Variants in TUBB3 observed in about 807,000 individuals in gnomAD.
TUBB3 encodes tubulin beta 3 class III, also known as tubulin beta-3 chain.
Under a neutral mutation model 37.8 loss-of-function variants are expected in TUBB3, and 17 were observed. That is an observed-to-expected ratio of 0.45 (90% CI 0.31 to 0.67). TUBB3 has a LOEUF of 0.67. TUBB3 is among the 30% of genes least tolerant of loss of function. The pLI is 0.07. For synonymous variants in TUBB3, 332 were observed against 278.9 expected (o/e 1.19, Z -1.90); for missense variants, 262 against 657.9 (o/e 0.40, Z 6.58).
At chr16:89,930,485 G>A (rs888609133) in intron 1 of TUBB3, among the ~76,000 whole-genome samples, 1 of 151,008 alleles carries the variant, frequency 6.6e-6, no homozygotes, top group Admixed American at 6.6e-5. Context: ...GTACAGTGGT[G>A]CAATCTTGGC....
At position 89,932,484 on chromosome 16, in the gene TUBB3, A is replaced by G. The variant is rs1368579538; in HGVS notation, c.58-87A>G. 5 of 1,109,220 alleles carry G rather than the reference A, an allele frequency of 4.5e-6. No homozygotes were observed. In the Admixed American group the frequency reaches 8.7e-5, roughly 19 times the overall value. 68.7% of individuals were successfully genotyped at this position (1,109,220 alleles called of 1,614,324 possible). On this transcript the variant is annotated intron_variant, in intron 1 of 3. Coordinates refer to ENST00000315491, the MANE Select transcript of TUBB3 (RefSeq NM_006086.4). ...CGTGGGTCAAAAGCCCTAATTTTGT[A>G]GTGAGGGCTAAAAGGCTTCACAAGG...
chr16:89,923,332 G>A (rs867740235), upstream of TUBB3: 2 of 1,344,152 alleles, frequency 1.5e-6, no homozygotes, highest in Admixed American at 3.1e-5. Context: ...CGCGGCCGCG[G>A]TCCCCGACCC....
intron 3 of TUBB3, 141 bp downstream of exon 3, chr16:89,933,719 T>C: frequency 1.3e-6 from 1 of 772,454 alleles, no homozygotes; most frequent in Non-Finnish European, 2.3e-6. Context: ...CTCTCCATTT[T>C]ACAGCTGGGC....
intron 1 of TUBB3, among the ~76,000 whole-genome samples, chr16:89,927,414 A>C (rs1212485402): frequency 6.6e-6 from 1 of 152,008 alleles, no homozygotes; most frequent in African/African-American, 2.4e-5. Flanking sequence ...ATATTTTATT[A>C]CTTTATCTCA....
chr16:89,923,359 C>A lies in TUBB3; in HGVS notation c.-43C>A. ...CCCCGACCCTCAGCAGCCAGCCCGGCCCGCCCGCGCCCGTCCGCAGCCGCC... is the reference window on the plus strand; with the variant it reads ...CCCCGACCCTCAGCAGCCAGCCCGGACCGCCCGCGCCCGTCCGCAGCCGCC... On this transcript the variant is annotated 5_prime_UTR_variant, in exon 1 of 4. Transcript: ENST00000315491. 1 of 1,433,612 alleles carries A rather than the reference C, an allele frequency of 7.0e-7. No homozygotes were observed. The highest frequency in any genetic ancestry group is 9.2e-7 in the Non-Finnish European group (1 of 1,086,978). 88.8% of individuals were successfully genotyped at this position (1,433,612 alleles called of 1,614,324 possible). A position where few individuals can be genotyped will look rare whatever the true frequency, so the allele number is the denominator to read the frequency against.
rs141170046 is a variant in TUBB3, at chr16:89,927,758, C to T, written c.57+4300C>T. ...GAAAACAGGTCCTGCGAGGCACGCG[C>T]CTGGCCCACAGCTGTGCTCGTGCTG... On this transcript the variant is annotated intron_variant, in intron 1 of 3. Coordinates refer to ENST00000315491, the MANE Select transcript of TUBB3 (RefSeq NM_006086.4). 1.3e-3 allele frequency among the ~76,000 whole-genome samples: 204 copies of T among 152,370 alleles called. 2 individuals carry two copies. Among genetic ancestry groups the T allele is most frequent in the African/African-American group, 4.7e-3 (194 of 41,588 alleles).
intron 1 of TUBB3, among the ~76,000 whole-genome samples, chr16:89,927,473 C>A (rs1435414661): frequency 6.6e-6 from 1 of 152,036 alleles, no homozygotes. Flanking sequence ...ATATATTCTC[C>A]TGGTTAAAAA....
chr16:89,925,523 G>A (rs967399325), intron 1 of TUBB3, among the ~76,000 whole-genome samples: 1 of 152,142 alleles, frequency 6.6e-6, no homozygotes, highest in Non-Finnish European at 1.5e-5. Flanking sequence ...TTCAGCGTGG[G>A]AGGTCGAGGC....
chr16:89,934,423 G>A (rs1020373205), intron 3 of TUBB3: 5 of 566,008 alleles, frequency 8.8e-6, no homozygotes, highest in Non-Finnish European at 1.7e-5. Context: ...CCAGTCGGAA[G>A]GAAGGTATGC....
intron 2 of TUBB3, 145 bp downstream of exon 2, chr16:89,932,824 G>A (rs965797293): frequency 2.0e-5 from 14 of 696,336 alleles, no homozygotes; most frequent in Admixed American, 1.1e-4. Context: ...GCCAGCAGGC[G>A]TAACTGGATG....
In TUBB3 at chr16:89,923,543, C is replaced by T. The variant is rs1393433950; in HGVS notation, c.57+85C>T. 4.1e-6 allele frequency: 5 copies of T among 1,234,156 alleles called. No homozygotes were observed. The African/African-American group carries it at 8.0e-5, about 20-fold the overall frequency. 76.5% of individuals were successfully genotyped at this position (1,234,156 alleles called of 1,614,324 possible). ...CCCCGCGGGCCGCACCTCCAGCTGCCCCCGCCCCTGCGAACCTGCAACAAA... is the reference window on the plus strand; with the variant it reads ...CCCCGCGGGCCGCACCTCCAGCTGCTCCCGCCCCTGCGAACCTGCAACAAA... On this transcript the variant is annotated intron_variant, in intron 1 of 3. Transcript: ENST00000315491.
At chr16:89,932,717 A>G (rs765315731) in intron 2 of TUBB3, 38 bp downstream of exon 2, 19 of 1,540,448 alleles carry the variant, frequency 1.2e-5, no homozygotes, top group Non-Finnish European at 1.5e-5. Flanking sequence ...CCAGCCCTGG[A>G]CTGACCAGGT....
intron 3 of TUBB3, chr16:89,934,386 G>C: frequency 3.9e-6 from 2 of 517,780 alleles, no homozygotes; most frequent in Non-Finnish European, 3.7e-6. Context: ...AGGGATTCTG[G>C]GGTGGCTGTT....
chr16:89,934,692 C>G (rs1252815864), intron 3 of TUBB3, 37 bp from the exon 4 acceptor site: 10 of 1,604,412 alleles, frequency 6.2e-6, no homozygotes, highest in Non-Finnish European at 8.5e-6. Flanking sequence ...TGCAGAGTCC[C>G]TGGCCCCTGT....
rs769895315 is a variant in TUBB3 at position 89,932,551 on chromosome 16, C to CT, written c.58-19dup. On this transcript the variant is annotated intron_variant, in intron 1 of 3. Transcript: ENST00000315491. ...GGCTATGGGCCGGTGCCGACCCCCC[C>CT]TCTCCCACTTTGTTTGCAGTTCTGG... is the stretch of plus-strand genomic sequence containing the variant. 7 of 1,609,008 alleles carry CT rather than the reference C, an allele frequency of 4.4e-6. No homozygotes were observed. Among genetic ancestry groups the CT allele is most frequent in the Non-Finnish European group, 5.1e-6 (6 of 1,175,572 alleles).
At chr16:89,933,175 G>C in intron 2 of TUBB3, 3 of 655,976 alleles carry the variant, frequency 4.6e-6, no homozygotes, top group South Asian at 3.0e-5. Context: ...CGATCCACCT[G>C]CCTTGGCCTC....
At chr16:89,928,771 A>G (rs539006403) in intron 1 of TUBB3, among the ~76,000 whole-genome samples, 5 of 151,468 alleles carry the variant, frequency 3.3e-5, no homozygotes, top group Non-Finnish European at 5.9e-5. Context: ...TGATCCGCCC[A>G]CCTCGGCCTC....
At chr16:89,930,521 T>C (rs1360904114) in intron 1 of TUBB3, among the ~76,000 whole-genome samples, 1 of 151,896 alleles carries the variant, frequency 6.6e-6, no homozygotes, top group Non-Finnish European at 1.5e-5. Flanking sequence ...TCTCCTGGGT[T>C]CAAGCAATTC....
intron 3 of TUBB3, chr16:89,933,828 C>A: frequency 1.4e-6 from 1 of 699,568 alleles, no homozygotes; most frequent in South Asian, 1.5e-5. Context: ...TACAGAATTG[C>A]TAGAGAGCTG....
Sources: allele counts gnomAD v4.1 joint callset (sites outside exome capture counted in the v4.1 genomes callset), GRCh38; gene constraint gnomAD v4.1.1; transcripts MANE v1.5; gene names NCBI Gene and HGNC (gene_info 2026-07-23, HGNC 2026-07-21).